ANKRD12: variants seen among roughly 807,000 people sequenced by gnomAD.
The protein encoded by ANKRD12 is ankyrin repeat domain-containing protein 12.
ANKRD12 carries 85 observed loss-of-function variants against 183.4 expected under a neutral mutation model. The observed-to-expected ratio is 0.46, with a 90% CI of 0.39 to 0.56. The LOEUF (loss-of-function observed/expected upper bound fraction) is 0.56, where lower values mean the gene tolerates loss of function less well. Among genes scored for constraint, ANKRD12 ranks in the 20% least tolerant of loss-of-function variants. The pLI is 0.00. For missense variants in ANKRD12, 2,405 were observed against 2,357.1 expected, an observed-to-expected ratio of 1.02 and a Z score of -0.42; for synonymous variants, 914 against 800.2, an observed-to-expected ratio of 1.14 and a Z score of -2.40.
intron 8 of ANKRD12, among the ~76,000 whole-genome samples, chr18:9,247,931 C>T (rs958797610): frequency 2.0e-5 from 3 of 152,046 alleles, no homozygotes; most frequent in Non-Finnish European, 4.4e-5. Flanking sequence ...GGATTACAGG[C>T]GCCCCCCACC....
intron 2 of ANKRD12, among the ~76,000 whole-genome samples, chr18:9,183,238 A>G (rs923136375): frequency 3.3e-5 from 5 of 152,228 alleles, no homozygotes; most frequent in African/African-American, 1.2e-4. Flanking sequence ...ATGATTTCAT[A>G]TAAATTTTAG....
At chr18:9,267,335 G>A (rs1490912012) in intron 10 of ANKRD12, among the ~76,000 whole-genome samples, 4 of 152,008 alleles carry the variant, frequency 2.6e-5, no homozygotes, top group East Asian at 1.9e-4. Context: ...TCAGCACCAC[G>A]CCGCACTTCT....
rs201710394 is a variant in ANKRD12 at position 9,247,782 on chromosome 18, TTTTTGTTTTG to T, written c.944-6404_944-6395del. On this transcript the variant is annotated intron_variant, in intron 8 of 12. Transcript: ENST00000262126. ...ATTGCATCTCCATAGTTTTGGGGTT[TTTTTGTTTTG>T]TTTTGTTTTGTTTTGTTTTGTTTTC... is the stretch of plus-strand genomic sequence containing the variant. Among the ~76,000 whole-genome samples, 172 of 151,426 alleles carry T rather than the reference TTTTTGTTTTG, an allele frequency of 1.1e-3. 1 individual carries two copies. The highest frequency in any genetic ancestry group is 2.6e-3 in the African/African-American group (108 of 41,062).
intron 6 of ANKRD12, among the ~76,000 whole-genome samples, chr18:9,215,841 T>C (rs964412843): frequency 4.6e-5 from 7 of 152,036 alleles, no homozygotes; most frequent in Non-Finnish European, 8.8e-5. Context: ...TTTCAAAATA[T>C]GGATCTTGGA....
At chr18:9,182,611 C>A in intron 2 of ANKRD12, 92 bp downstream of exon 2, 1 of 738,530 alleles carries the variant, frequency 1.4e-6, no homozygotes, top group Non-Finnish European at 2.1e-6. Flanking sequence ...AAGATAAAAA[C>A]CAATATGGAT....
At chr18:9,160,996 C>T (rs1485798411) in intron 1 of ANKRD12, among the ~76,000 whole-genome samples, 1 of 151,850 alleles carries the variant, frequency 6.6e-6, no homozygotes, top group Non-Finnish European at 1.5e-5. Context: ...CCTTGGTTTC[C>T]CCTAGTTTTT....
At chr18:9,248,109 T>G (rs1033575503) in intron 8 of ANKRD12, among the ~76,000 whole-genome samples, 1 of 152,192 alleles carries the variant, frequency 6.6e-6, no homozygotes, top group Non-Finnish European at 1.5e-5. Flanking sequence ...TTAAAGCACA[T>G]TTTTTCAAGT....
chr18:9,180,613 G>A (rs2144153469), intron 1 of ANKRD12, among the ~76,000 whole-genome samples: 1 of 151,988 alleles, frequency 6.6e-6, no homozygotes, highest in Admixed American at 6.6e-5. Context: ...TTATTATATA[G>A]TGATTGCTTT....
intron 1 of ANKRD12, among the ~76,000 whole-genome samples, chr18:9,142,875 C>A (rs943991393): frequency 1.3e-5 from 1 of 75,824 alleles, no homozygotes; most frequent in African/African-American, 4.7e-5. Context: ...CAGAGTGATA[C>A]TGCCTCCAAA....
At chr18:9,159,859 C>T (rs2031159972) in intron 1 of ANKRD12, among the ~76,000 whole-genome samples, 4 of 151,314 alleles carry the variant, frequency 2.6e-5, no homozygotes, top group African/African-American at 9.7e-5. Flanking sequence ...GGCTAGGGTA[C>T]AATGTCATGA....
intron 7 of ANKRD12, among the ~76,000 whole-genome samples, chr18:9,217,508 G>A (rs2036178412): frequency 6.6e-6 from 1 of 152,124 alleles, no homozygotes; most frequent in Non-Finnish European, 1.5e-5. Context: ...CTGCCTTTGT[G>A]GGTGCAGTCA....
In ANKRD12 at chr18:9,259,097, C is replaced by T. The variant is rs147121156; in HGVS notation, c.5664+166C>T. Among the ~76,000 whole-genome samples the T allele has an allele frequency of 4.8e-3, 732 of 152,144 alleles. 3 individuals are homozygous for T. Among genetic ancestry groups the T allele is most frequent in the Middle Eastern group, 0.02 (6 of 294 alleles). ...AGTAACGTTCTTGTTTCTTTCATTC[C>T]CCAACTTTATTTTCCCTTAAAGAGT... On this transcript the variant is annotated intron_variant, in intron 9 of 12. Coordinates refer to ENST00000262126, the MANE Select transcript of ANKRD12 (RefSeq NM_015208.5).
Position 9,258,280 on chromosome 18 carries a change from T to G in ANKRD12, c.5013T>G (p.His1671Gln). The change falls in exon 9 of 13, where the codon CAT becomes CAG. Residue 1671 changes from histidine to glutamine, a missense_variant. By Grantham distance (24) the His-to-Gln change is conservative (BLOSUM62 0). Around this residue, in one of 7 missense-constraint regions of ANKRD12, gnomAD observed 1,983 missense variants for 1,725.9 expected, o/e 1.15. Coordinates refer to ENST00000262126, the MANE Select transcript of ANKRD12 (RefSeq NM_015208.5). The part of the protein sequence containing the change: ...KGNLNEQDPK[H>Q]CPESEKCLLS... ...ACCTAAATGAACAAGATCCAAAACA[T>G]TGTCCTGAAAGTGAAAAGTGTTTGC... The G allele has an allele frequency of 1.2e-6, 2 of 1,613,686 alleles. No individual in the cohort carries two copies. Among genetic ancestry groups the G allele is most frequent in the Non-Finnish European group, 1.7e-6 (2 of 1,179,904 alleles).
At chr18:9,162,358 T>C (rs538583395) in intron 1 of ANKRD12, among the ~76,000 whole-genome samples, 97 of 152,298 alleles carry the variant, frequency 6.4e-4, no homozygotes, top group African/African-American at 2.2e-3. Flanking sequence ...GCTCCATCCA[T>C]GTCTCTGCAA....
intron 1 of ANKRD12, among the ~76,000 whole-genome samples, chr18:9,155,753 G>A (rs1280364302): frequency 6.6e-6 from 1 of 151,886 alleles, no homozygotes; most frequent in Non-Finnish European, 1.5e-5. Flanking sequence ...CATGTCTTCT[G>A]ATTTTTTTTG....
At chr18:9,267,505 C>T (rs544537009) in intron 10 of ANKRD12, among the ~76,000 whole-genome samples, 103 of 152,212 alleles carry the variant, frequency 6.8e-4, no homozygotes, top group African/African-American at 2.3e-3. Flanking sequence ...ACTGAACAAC[C>T]TGCTCCTGAC....
intron 8 of ANKRD12, among the ~76,000 whole-genome samples, chr18:9,224,652 G>A (rs2036607779): frequency 6.6e-6 from 1 of 152,112 alleles, no homozygotes; most frequent in Admixed American, 6.5e-5. Flanking sequence ...GTTAATAAGT[G>A]TGAAAAATTA....
In ANKRD12 at chr18:9,256,929, C is replaced by T. The variant is rs749455834; in HGVS notation, c.3662C>T (p.Thr1221Ile). The change falls in exon 9 of 13, where the codon ACA becomes ATA. Residue 1221 changes from threonine (T) to isoleucine (I), a missense_variant. By Grantham distance (89) the Thr-to-Ile change is moderately conservative. Around this residue, in one of 7 missense-constraint regions of ANKRD12, gnomAD observed 1,983 missense variants for 1,725.9 expected, o/e 1.15. Transcript: ENST00000262126. ...GAAGATTCCTGCCATACTACAGTGA[C>T]AACCCCAAGGCCTCCAGTTGAGTAT... Reference protein sequence around the residue: ...SSEDSCHTTVTTPRPPVEYDS... With the variant: ...SSEDSCHTTVITPRPPVEYDS... 1.2e-6 allele frequency: 2 copies of T among 1,614,058 alleles called. No homozygotes were observed. Among genetic ancestry groups the T allele is most frequent in the South Asian group, 1.1e-5 (1 of 91,070 alleles).
At chr18:9,276,666 T>C (rs1165252282) in intron 11 of ANKRD12, among the ~76,000 whole-genome samples, 1 of 152,064 alleles carries the variant, frequency 6.6e-6, no homozygotes, top group Non-Finnish European at 1.5e-5. Flanking sequence ...GTGAGCTGGA[T>C]TGTACCACTG....
Sources: allele counts gnomAD v4.1 joint callset (sites outside exome capture counted in the v4.1 genomes callset), GRCh38; gene constraint gnomAD v4.1.1; regional missense constraint gnomAD v4.1.1; transcripts MANE v1.5; gene names NCBI Gene and HGNC (gene_info 2026-07-23, HGNC 2026-07-21).